Variants in PLA2G4E observed in about 807,000 individuals in gnomAD.
The protein encoded by PLA2G4E is phospholipase A2 group IVE.
PLA2G4E carries 84 observed loss-of-function variants against 109.1 expected under a neutral mutation model. The observed-to-expected ratio is 0.77, with a 90% CI of 0.65 to 0.92. The LOEUF is 0.92. PLA2G4E is among the 40% of genes least tolerant of loss of function. The pLI is 0.00. For missense variants in PLA2G4E, 1,057 were observed against 1,076.6 expected, an observed-to-expected ratio of 0.98 and a Z score of 0.25; for synonymous variants, 469 against 436.1, an observed-to-expected ratio of 1.08 and a Z score of -0.94.
At chr15:42,006,060 G>T in exon 4 of PLA2G4E, 1 of 1,613,950 alleles carries the variant, frequency 6.2e-7, no homozygotes. Context: ...ATAGAGAACT[G>T]TCAGGAGATG....
At chr15:42,009,612 A>AT (rs2068512239) in intron 2 of PLA2G4E, among the ~76,000 whole-genome samples, 1 of 151,924 alleles carries the variant, frequency 6.6e-6, no homozygotes, top group Non-Finnish European at 1.5e-5. Flanking sequence ...ACCCTCCCTA[A>AT]TACCCCACCC....
At chr15:41,984,104 A>G in intron 19 of PLA2G4E, 130 bp from the exon 20 acceptor site, 3 of 834,550 alleles carry the variant, frequency 3.6e-6, no homozygotes, top group South Asian at 1.6e-5. Flanking sequence ...ACCTGTACAC[A>G]CGCACACCCT....
chr15:41,990,624 A>T (rs886065022), intron 13 of PLA2G4E, among the ~76,000 whole-genome samples: 6 of 151,926 alleles, frequency 3.9e-5, no homozygotes, highest in Admixed American at 1.3e-4. Context: ...TCCATTTTTT[A>T]AAAAAAATCA....
chr15:42,024,824 T>C (rs937829347), intron 1 of PLA2G4E, among the ~76,000 whole-genome samples: 1 of 152,102 alleles, frequency 6.6e-6, no homozygotes, highest in Non-Finnish European at 1.5e-5. Context: ...ATAAACCAGG[T>C]AGGACCCAGG....
At chr15:41,984,244 G>A (rs2068103793) in intron 19 of PLA2G4E, among the ~76,000 whole-genome samples, 192 bp downstream of exon 19, 1 of 152,234 alleles carries the variant, frequency 6.6e-6, no homozygotes, top group East Asian at 1.9e-4. Flanking sequence ...ATGACTGAAA[G>A]AATGGGGGAT....
At chr15:42,047,711 C>A (rs1460220682) in intron 1 of PLA2G4E, among the ~76,000 whole-genome samples, 1 of 152,162 alleles carries the variant, frequency 6.6e-6, no homozygotes, top group Admixed American at 6.5e-5. Context: ...TATATACACA[C>A]CCTCTTGCAG....
intron 7 of PLA2G4E, 21 bp from the exon 8 acceptor site, chr15:42,000,303 G>A (rs766366035): frequency 6.5e-7 from 1 of 1,547,594 alleles, no homozygotes; most frequent in Non-Finnish European, 8.7e-7. Flanking sequence ...GGACAAGAGG[G>A]TGAGACCCTG....
At chr15:41,984,083 C>T in intron 19 of PLA2G4E, 109 bp from the exon 20 acceptor site, 1 of 988,588 alleles carries the variant, frequency 1.0e-6, no homozygotes, top group Non-Finnish European at 1.5e-6. Context: ...GACACACACA[C>T]CTGCATGAAA....
chr15:41,982,716 C>G (rs2068081394), exon 20 of PLA2G4E: 1 of 152,406 alleles, frequency 6.6e-6, no homozygotes, highest in Non-Finnish European at 1.5e-5. Flanking sequence ...ATCCCAGATC[C>G]TCATTTGGTG....
At chr15:42,046,534 CT>C (rs1889419525) in intron 1 of PLA2G4E, among the ~76,000 whole-genome samples, 3 of 152,242 alleles carry the variant, frequency 2.0e-5, no homozygotes, top group Non-Finnish European at 4.4e-5. Flanking sequence ...AAATGTCACC[CT>C]CTTCTGATGT....
intron 3 of PLA2G4E, among the ~76,000 whole-genome samples, chr15:42,006,670 C>G (rs2068480422): frequency 6.6e-6 from 1 of 152,116 alleles, no homozygotes; most frequent in Non-Finnish European, 1.5e-5. Context: ...ATGGATGGTC[C>G]CAAAGCAGCT....
Position 41,986,686 on chromosome 15 carries a change from A to G in PLA2G4E, c.2035+486T>C, listed in dbSNP as rs561744784. On this transcript the variant is annotated intron_variant, in intron 17 of 19. Coordinates refer to ENST00000399518, the Ensembl canonical transcript of PLA2G4E. ...TGCTCATCACCATGCCCAGCTAATTAAAAACAATTTTTTTTTAAGAGATGG... is the reference window on the plus strand; with the variant it reads ...TGCTCATCACCATGCCCAGCTAATTGAAAACAATTTTTTTTTAAGAGATGG... Among the ~76,000 whole-genome samples the G allele has an allele frequency of 1.5e-4, 23 of 152,122 alleles. No homozygotes were observed. In the South Asian group the frequency reaches 4.8e-3, roughly 32 times the overall value.
At chr15:42,037,322 C>T (rs1228237532) in intron 1 of PLA2G4E, among the ~76,000 whole-genome samples, 1 of 152,232 alleles carries the variant, frequency 6.6e-6, no homozygotes, top group Non-Finnish European at 1.5e-5. Context: ...AATGTGCGCG[C>T]ACTTCCTCCC....
intron 11 of PLA2G4E, among the ~76,000 whole-genome samples, chr15:41,995,874 A>G (rs1022882747): frequency 7.2e-5 from 11 of 152,184 alleles, no homozygotes; most frequent in Non-Finnish European, 1.2e-4. Flanking sequence ...CGATCCCTCA[A>G]TGGGACAAAC....
At chr15:42,028,307 C>T (rs1010836087) in intron 1 of PLA2G4E, among the ~76,000 whole-genome samples, 4 of 152,212 alleles carry the variant, frequency 2.6e-5, no homozygotes, top group African/African-American at 9.6e-5. Context: ...GATTTAACCA[C>T]TATGATCCCA....
chr15:42,038,420 C>A (rs1889255305), intron 1 of PLA2G4E, among the ~76,000 whole-genome samples: 1 of 152,220 alleles, frequency 6.6e-6, no homozygotes. Flanking sequence ...TGTTTTCCTG[C>A]AACTAAATGG....
chr15:42,004,617 G>T (rs745489086), intron 5 of PLA2G4E, among the ~76,000 whole-genome samples: 12 of 152,148 alleles, frequency 7.9e-5, no homozygotes, highest in Non-Finnish European at 1.3e-4. Context: ...GGCCCCCATC[G>T]CCATGGTGGC....
At chr15:41,999,873 C>T in intron 9 of PLA2G4E, 44 bp downstream of exon 9, 1 of 1,544,332 alleles carries the variant, frequency 6.5e-7, no homozygotes, top group South Asian at 1.2e-5. Flanking sequence ...ACAGGAGCTC[C>T]AGGGGAAGTA....
At chr15:41,992,625 C>T (rs1014084667) in intron 13 of PLA2G4E, 112 bp downstream of exon 13, 110 of 1,018,550 alleles carry the variant, frequency 1.1e-4, no homozygotes, top group Non-Finnish European at 1.5e-4. Context: ...GATACTCCCG[C>T]AGGTCTAACC....
Sources: gnomAD v4.1 joint callset for allele counts (sites outside exome capture counted in the v4.1 genomes callset) on GRCh38, gnomAD v4.1.1 for gene constraint, MANE v1.5 for transcripts, NCBI Gene and HGNC (gene_info 2026-07-23, HGNC 2026-07-21) for gene names.